Variants in ROBO1 observed in about 807,000 individuals in gnomAD.
The protein encoded by ROBO1 is roundabout homolog 1.
ROBO1 carries 149 observed loss-of-function variants against 195.9 expected under a neutral mutation model. The observed-to-expected ratio is 0.76, with a 90% confidence interval of 0.67 to 0.87. The LOEUF (loss-of-function observed/expected upper bound fraction) is 0.87, where lower values mean the gene tolerates loss of function less well. ROBO1 is among the 40% of genes least tolerant of loss of function. The pLI, the probability that ROBO1 is intolerant of heterozygous loss-of-function variation, is 0.00. For missense variants in ROBO1, 1,933 were observed against 2,068.3 expected, an observed-to-expected ratio of 0.93 and a Z score of 1.27; for synonymous variants, 816 against 733.2, an observed-to-expected ratio of 1.11 and a Z score of -1.82.
chr3:78,881,692 G>A (rs1474960271), intron 4 of ROBO1, among the ~76,000 whole-genome samples: 2 of 151,838 alleles, frequency 1.3e-5, no homozygotes, highest in East Asian at 1.9e-4. Flanking sequence ...TTTTATTATC[G>A]ACTGCATCAG....
intron 3 of ROBO1, among the ~76,000 whole-genome samples, chr3:78,992,127 A>C (rs553940558): frequency 6.6e-6 from 1 of 152,332 alleles, no homozygotes; most frequent in Non-Finnish European, 1.5e-5. Flanking sequence ...TCTACTAATA[A>C]GTGTAAGACT....
chr3:79,369,681 T>TC (rs1417634153), intron 2 of ROBO1, among the ~76,000 whole-genome samples: 1 of 152,082 alleles, frequency 6.6e-6, no homozygotes, highest in African/African-American at 2.4e-5. Flanking sequence ...CTTCTTTCTT[T>TC]TTTTTTTTTC....
chr3:78,757,219 A>C (rs1325306527), intron 4 of ROBO1, among the ~76,000 whole-genome samples: 2 of 152,086 alleles, frequency 1.3e-5, no homozygotes, highest in Non-Finnish European at 2.9e-5. Flanking sequence ...TCTTAGTACA[A>C]CCTTCCCTAC....
At chr3:79,010,275 C>T (rs1291219771) in intron 3 of ROBO1, among the ~76,000 whole-genome samples, 1 of 152,040 alleles carries the variant, frequency 6.6e-6, no homozygotes, top group Non-Finnish European at 1.5e-5. Context: ...AGCAAGAATT[C>T]TGAGATGAGA....
chr3:78,860,833 G>A (rs1258731602), intron 4 of ROBO1, among the ~76,000 whole-genome samples: 3 of 152,072 alleles, frequency 2.0e-5, no homozygotes, highest in African/African-American at 7.2e-5. Flanking sequence ...ACCTTCACCC[G>A]AAATTCTATC....
chr3:79,267,310 T>C (rs2030055173), intron 2 of ROBO1, among the ~76,000 whole-genome samples: 2 of 151,672 alleles, frequency 1.3e-5, no homozygotes, highest in South Asian at 4.1e-4. Context: ...TTGGGAGCTG[T>C]CTGAACTAAT....
intron 1 of ROBO1, among the ~76,000 whole-genome samples, chr3:79,660,886 A>G (rs1946308645): frequency 6.6e-6 from 1 of 152,098 alleles, no homozygotes; most frequent in African/African-American, 2.4e-5. Context: ...CTGGCTAAAT[A>G]TGAAGGAAAC....
chr3:79,134,185 T>G, intron 2 of ROBO1, among the ~76,000 whole-genome samples: 1 of 139,180 alleles, frequency 7.2e-6, no homozygotes, highest in African/African-American at 2.7e-5. Context: ...TCAAACAAAT[T>G]TACAAGAAAA....
chr3:78,648,297 T>C (rs182453781), intron 19 of ROBO1, among the ~76,000 whole-genome samples: 204 of 152,248 alleles, frequency 1.3e-3, no homozygotes, highest in African/African-American at 4.8e-3. Context: ...ATAACTGACA[T>C]TTTTTATCAT....
intron 4 of ROBO1, among the ~76,000 whole-genome samples, chr3:78,752,034 C>T (rs547552905): frequency 1.3e-5 from 2 of 151,922 alleles, no homozygotes. Context: ...AAATGAATCC[C>T]TTAAAAACTA....
intron 3 of ROBO1, among the ~76,000 whole-genome samples, chr3:79,070,486 T>G (rs2079069611): frequency 6.6e-6 from 1 of 151,890 alleles, no homozygotes; most frequent in African/African-American, 2.4e-5. Context: ...ATAGGCTTTT[T>G]TGTCAGCATG....
intron 1 of ROBO1, among the ~76,000 whole-genome samples, chr3:79,742,775 A>C (rs562680870): frequency 3.2e-4 from 48 of 152,132 alleles, no homozygotes; most frequent in African/African-American, 9.9e-4. Flanking sequence ...TCCTTTTCTT[A>C]TTATTATTGT....
intron 1 of ROBO1, among the ~76,000 whole-genome samples, chr3:79,633,084 T>C (rs770807733): frequency 9.2e-5 from 14 of 151,672 alleles, no homozygotes; most frequent in Non-Finnish European, 1.6e-4. Flanking sequence ...TTACACACAC[T>C]AGAATAATCA....
At chr3:79,343,233 T>C (rs975326875) in intron 2 of ROBO1, among the ~76,000 whole-genome samples, 12 of 152,144 alleles carry the variant, frequency 7.9e-5, no homozygotes, top group Non-Finnish European at 1.8e-4. Context: ...CATTGAAAAA[T>C]AAATGTATTC....
At chr3:78,900,419 C>T (rs866147840) in intron 4 of ROBO1, among the ~76,000 whole-genome samples, 23 of 152,074 alleles carry the variant, frequency 1.5e-4, no homozygotes, top group African/African-American at 5.6e-4. Context: ...AATATTTTGA[C>T]AGACCTAAGA....
At chr3:78,657,454 G>A (rs557285265) in intron 17 of ROBO1, among the ~76,000 whole-genome samples, 185 bp from the exon 18 acceptor site, 13 of 152,234 alleles carry the variant, frequency 8.5e-5, no homozygotes, top group South Asian at 2.1e-4. Flanking sequence ...CAAGTTTAAC[G>A]TTAAAAGTAG....
At chr3:78,850,901 G>A (rs752256049) in intron 4 of ROBO1, among the ~76,000 whole-genome samples, 1 of 151,920 alleles carries the variant, frequency 6.6e-6, no homozygotes, top group Non-Finnish European at 1.5e-5. Context: ...CCGCCTCCTG[G>A]GTTCAAGCGA....
chr3:79,263,870 T>C (rs1232784605), intron 2 of ROBO1, among the ~76,000 whole-genome samples: 1 of 152,176 alleles, frequency 6.6e-6, no homozygotes, highest in East Asian at 1.9e-4. Context: ...GGTACGGCAA[T>C]TGCTAAAGAC....
At chr3:79,421,380 T>C (rs1342733250) in intron 2 of ROBO1, among the ~76,000 whole-genome samples, 1 of 143,380 alleles carries the variant, frequency 7.0e-6, no homozygotes, top group Admixed American at 7.0e-5. Context: ...AAATGAAAGT[T>C]AAAAAAAAAA....
Sources: gnomAD v4.1 joint callset for allele counts (sites outside exome capture counted in the v4.1 genomes callset) on GRCh38, gnomAD v4.1.1 for gene constraint, MANE v1.5 for transcripts, NCBI Gene and HGNC (gene_info 2026-07-23, HGNC 2026-07-21) for gene names.